Variants in HYDIN observed in about 807,000 individuals in gnomAD.
The protein encoded by HYDIN is HYDIN axonemal central pair apparatus protein.
A neutral mutation model predicts 403.9 loss-of-function variants in HYDIN; 132 were observed. The ratio of observed to expected loss-of-function variants is 0.33; its 90% confidence interval spans 0.28 to 0.38. The LOEUF (loss-of-function observed/expected upper bound fraction) is 0.38. HYDIN is among the 10% of genes least tolerant of loss of function. The probability of loss-of-function intolerance (pLI) is 1.00; values close to 1 mark genes in which losing one functional copy is unlikely to be tolerated. For missense variants in HYDIN, 2,827 were observed against 5,009.5 expected, an observed-to-expected ratio of 0.56 and a Z score of 13.15; for synonymous variants, 1,202 against 1,891.7, an observed-to-expected ratio of 0.64 and a Z score of 9.46.
intron 10 of HYDIN, among the ~76,000 whole-genome samples, chr16:71,105,609 A>T (rs1479743035): frequency 1.2e-4 from 7 of 56,940 alleles, no homozygotes; most frequent in African/African-American, 4.9e-4. Context: ...TGGGTCTCTG[A>T]AGGAAGTGGG....
chr16:70,857,899 A>G, intron 71 of HYDIN, 29 bp from the exon 72 acceptor site: 1 of 1,607,628 alleles, frequency 6.2e-7, no homozygotes, highest in Non-Finnish European at 8.5e-7. Flanking sequence ...ACAGAGTGGT[A>G]AAAGACACTT....
At chr16:70,842,897 C>A (rs750154858) in intron 75 of HYDIN, among the ~76,000 whole-genome samples, 3 of 151,458 alleles carry the variant, frequency 2.0e-5, no homozygotes, top group African/African-American at 4.9e-5. Flanking sequence ...ATTCCCTTGC[C>A]ATTTGTTTTA....
intron 23 of HYDIN, among the ~76,000 whole-genome samples, chr16:70,996,491 ACT>A (rs2079537138): frequency 6.6e-6 from 1 of 151,656 alleles, no homozygotes; most frequent in African/African-American, 2.4e-5. Flanking sequence ...CGGCTTCCCC[ACT>A]TGTGCACTAT....
chr16:71,220,913 A>C (rs1004392024), intron 1 of HYDIN, among the ~76,000 whole-genome samples: 3 of 152,334 alleles, frequency 2.0e-5, no homozygotes, highest in Non-Finnish European at 4.4e-5. Context: ...ATATTTTTTC[A>C]GCTTCTCAAA....
Position 70,941,693 on chromosome 16 carries a change from T to A in HYDIN, c.6796A>T (p.Met2266Leu). The A allele has an allele frequency of 6.3e-7, 1 of 1,593,180 alleles. No individual in the cohort carries two copies. The change falls in exon 43 of 86, where the codon ATG becomes TTG. Residue 2266 changes from methionine (M) to leucine (L), a missense_variant. By Grantham distance (15) the Met-to-Leu change is conservative. Coordinates refer to ENST00000393567, the MANE Select transcript of HYDIN (RefSeq NM_001270974.2). ...GSREHIYILN[M>L]AQDYAAMKAQ... Reference sequence around the variant, plus strand: ...TTCATGGCTGCGTAATCCTGGGCCATGTTGAGAATGTATATATGCTCCCGG... The same window carrying A: ...TTCATGGCTGCGTAATCCTGGGCCAAGTTGAGAATGTATATATGCTCCCGG...
intron 84 of HYDIN, among the ~76,000 whole-genome samples, chr16:70,812,344 C>T (rs1219664018): frequency 2.0e-5 from 3 of 151,196 alleles, no homozygotes; most frequent in Non-Finnish European, 4.4e-5. Flanking sequence ...ACAAAAATAG[C>T]CATGCATGGT....
rs1484985238 is a variant in HYDIN, at chr16:71,179,029, C to G, written c.280G>C (p.Asp94His). 2 of 1,610,704 alleles carry G rather than the reference C, an allele frequency of 1.2e-6. No homozygotes were observed. Among genetic ancestry groups the G allele is most frequent in the Admixed American group, 1.7e-5 (1 of 59,478 alleles). Residue 94 changes from aspartate to histidine, a missense_variant, in exon 4 of 86, where the codon GAT becomes CAT. By Grantham distance (81) the Asp-to-His change is moderately conservative. Transcript: ENST00000393567. ...THQKFSGIDL[D>H]QALFQPFPSE... ...GGAAAGGGCTGGAATAATGCCTGATCCAGGTCAATTCCTGAAAACTTCAGT... is the reference window on the plus strand; with the variant it reads ...GGAAAGGGCTGGAATAATGCCTGATGCAGGTCAATTCCTGAAAACTTCAGT...
chr16:70,895,907 C>T lies in HYDIN; in HGVS notation c.9148+74G>A, dbSNP rs2076187937. 4.7e-6 allele frequency: 7 copies of T among 1,491,208 alleles called. No homozygotes were observed. In the South Asian group the frequency reaches 9.6e-5, roughly 20 times the overall value. The allele number at this position is 1,491,208 out of a possible 1,614,324, so 92.4% of individuals were successfully genotyped here. ...CCTGCAATACTAACAACACACTAGC[C>T]TTTCTCTACACAGAAATACACTATA... On this transcript the variant is annotated intron_variant, in intron 54 of 85. Coordinates refer to ENST00000393567, the MANE Select transcript of HYDIN (RefSeq NM_001270974.2).
chr16:70,805,555 ATC>A lies in HYDIN; in HGVS notation c.*2023_*2024del, dbSNP rs57868215. Among the ~76,000 whole-genome samples, 39 of 152,324 alleles carry A rather than the reference ATC, an allele frequency of 2.6e-4. No homozygotes were observed. The highest frequency in any genetic ancestry group is 9.4e-4 in the African/African-American group (39 of 41,574). The stretch of plus-strand genomic sequence containing the variant: ...GACTTCCTGAGGGTGGGGCTCAGCA[ATC>A]TGTTTCAGTAAGCCCTCCAGGGGAT... On this transcript the variant is annotated 3_prime_UTR_variant, in exon 86 of 86. Coordinates refer to ENST00000393567, the MANE Select transcript of HYDIN (RefSeq NM_001270974.2).
At chr16:70,831,190 T>A (rs1456537284) in intron 80 of HYDIN, among the ~76,000 whole-genome samples, 4 of 151,646 alleles carry the variant, frequency 2.6e-5, no homozygotes, top group Non-Finnish European at 5.9e-5. Flanking sequence ...AAGGACTAGT[T>A]CTTGACTGAC....
At chr16:71,026,185 C>A (rs532776676) in intron 20 of HYDIN, among the ~76,000 whole-genome samples, 29 of 152,336 alleles carry the variant, frequency 1.9e-4, no homozygotes, top group Non-Finnish European at 2.8e-4. Context: ...CAGGCGTGAG[C>A]CACCGTGCCC....
chr16:71,186,198 C>A (rs1047181841), intron 2 of HYDIN, among the ~76,000 whole-genome samples: 2 of 152,020 alleles, frequency 1.3e-5, no homozygotes, highest in East Asian at 3.9e-4. Context: ...CTATCCCTGG[C>A]ACTATACATT....
chr16:71,220,767 A>C (rs1305389625), intron 1 of HYDIN, among the ~76,000 whole-genome samples: 3 of 152,228 alleles, frequency 2.0e-5, no homozygotes, highest in African/African-American at 7.2e-5. Flanking sequence ...TAAGGTATTT[A>C]ATTTTTTACA....
chr16:71,134,685 A>G (rs1476441417), intron 8 of HYDIN, among the ~76,000 whole-genome samples: 2 of 152,166 alleles, frequency 1.3e-5, no homozygotes, highest in Admixed American at 1.3e-4. Context: ...AGAAAGCAGG[A>G]GTTAAATGTT....
chr16:70,809,742 C>A, intron 85 of HYDIN, 41 bp downstream of exon 85: 1 of 1,470,266 alleles, frequency 6.8e-7, no homozygotes, highest in South Asian at 1.1e-5. Context: ...ACCCAGCGTT[C>A]ATGTGAGGGA....
chr16:70,877,433 A>C (rs1194523453), intron 62 of HYDIN, among the ~76,000 whole-genome samples: 1 of 152,216 alleles, frequency 6.6e-6, no homozygotes, highest in Non-Finnish European at 1.5e-5. Context: ...GAAAAGGTAA[A>C]AGGCAGTCAG....
chr16:71,214,768 A>C (rs1445446516), intron 1 of HYDIN, among the ~76,000 whole-genome samples: 1 of 152,240 alleles, frequency 6.6e-6, no homozygotes, highest in Non-Finnish European at 1.5e-5. Flanking sequence ...CCAGTGGGAC[A>C]AAACCTCAGT....
chr16:71,116,595 G>A (rs1215130493), intron 9 of HYDIN, among the ~76,000 whole-genome samples: 1 of 151,866 alleles, frequency 6.6e-6, no homozygotes, highest in African/African-American at 2.4e-5. Flanking sequence ...GATTTTTTGA[G>A]GAATCTCTAT....
At chr16:71,016,952 G>T (rs2080279460) in intron 23 of HYDIN, among the ~76,000 whole-genome samples, 1 of 150,926 alleles carries the variant, frequency 6.6e-6, no homozygotes, top group Non-Finnish European at 1.5e-5. Flanking sequence ...GCTGAGGGAG[G>T]GACCTGATGA....
Sources: gnomAD v4.1 joint callset for allele counts (sites outside exome capture counted in the v4.1 genomes callset) on GRCh38, gnomAD v4.1.1 for gene constraint, MANE v1.5 for transcripts, NCBI Gene and HGNC (gene_info 2026-07-23, HGNC 2026-07-21) for gene names.